The following LRP4 variants were observed in gnomAD, a reference collection of about 807,000 sequenced individuals.
The protein encoded by LRP4 is low-density lipoprotein receptor-related protein 4.
In LRP4, 95 loss-of-function variants were observed where a neutral mutation model predicts 220.3. That is an observed-to-expected ratio of 0.43 (90% CI 0.37 to 0.51). LRP4 has a LOEUF of 0.51. LRP4 is among the 20% of genes least tolerant of loss of function. The pLI is 0.00. For synonymous variants in LRP4, 903 were observed against 954.6 expected, an observed-to-expected ratio of 0.95 and a Z score of 1.00; for missense variants, 1,925 against 2,567.0, an observed-to-expected ratio of 0.75 and a Z score of 5.40.
rs1309226363 is a variant in LRP4 at position 46,876,736 on chromosome 11, A to G, written c.3364+8T>C. On this transcript the variant is annotated splice_region_variant and intron_variant, in intron 24 of 37. Transcript: ENST00000378623. ...ACAGGTGGTCCCTGGGCTAGGAGGA[A>G]GGCCCACCTGTGGTGATGATGTCCT... The G allele has an allele frequency of 6.2e-7, 1 of 1,614,116 alleles. No homozygotes were observed. Among genetic ancestry groups the G allele is most frequent in the Non-Finnish European group, 8.5e-7 (1 of 1,179,962 alleles).
In LRP4 at chr11:46,875,706, G is replaced by A. The variant is rs763733172; in HGVS notation, c.3700-25C>T. 6 of 1,612,168 alleles carry A rather than the reference G, an allele frequency of 3.7e-6. No individual in the cohort carries two copies. The highest frequency in any genetic ancestry group is 5.1e-6 in the Non-Finnish European group (6 of 1,178,358). ...GCTGCAGAGGAAGGAGAGGGTGGGG[G>A]GTGGTGATCAGCAGATTGGGAACTC... On this transcript the variant is annotated intron_variant, in intron 26 of 37. Coordinates refer to ENST00000378623, the MANE Select transcript of LRP4 (RefSeq NM_002334.4). This position sits in a 1 kb window ranked among gnomAD's most constrained non-coding sequence, Gnocchi z 4.5.
At chr11:46,869,777 G>GA (rs374970927) in intron 31 of LRP4, among the ~76,000 whole-genome samples, 19 of 150,350 alleles carry the variant, frequency 1.3e-4, no homozygotes, top group East Asian at 7.7e-4. Context: ...TTTAGAATAT[G>GA]AAAAAAAAAG....
chr11:46,911,361 G>T (rs1565807171), intron 1 of LRP4, among the ~76,000 whole-genome samples: 2 of 152,088 alleles, frequency 1.3e-5, no homozygotes, highest in Non-Finnish European at 2.9e-5. Context: ...TGTGCTCTGT[G>T]AAGGGCTGCT....
chr11:46,863,177 C>T (rs747603352), intron 36 of LRP4, among the ~76,000 whole-genome samples: 2 of 152,088 alleles, frequency 1.3e-5, no homozygotes, highest in East Asian at 1.9e-4. Context: ...GATCCTTCCC[C>T]GGTCAAACCT....
intron 1 of LRP4, among the ~76,000 whole-genome samples, chr11:46,910,648 T>C (rs1276727767): frequency 1.3e-5 from 2 of 151,606 alleles, no homozygotes; most frequent in Non-Finnish European, 2.9e-5. Flanking sequence ...CTGAAAGAGC[T>C]TGAGGCACAT....
intron 12 of LRP4, among the ~76,000 whole-genome samples, chr11:46,893,668 C>T (rs952937238): frequency 2.6e-5 from 4 of 152,292 alleles, no homozygotes; most frequent in Non-Finnish European, 5.9e-5. Context: ...GGTGCAGTCT[C>T]GGGTCACTGC....
At chr11:46,897,452 T>G (rs1183086116) in intron 7 of LRP4, among the ~76,000 whole-genome samples, 3 of 149,932 alleles carry the variant, frequency 2.0e-5, no homozygotes, top group Admixed American at 1.3e-4. Flanking sequence ...AGGACAATAG[T>G]GGAGGGAAGG....
intron 18 of LRP4, among the ~76,000 whole-genome samples, chr11:46,885,279 G>A (rs1007152588): frequency 2.0e-5 from 3 of 152,130 alleles, no homozygotes; most frequent in African/African-American, 4.8e-5. Flanking sequence ...TTATAGGTGT[G>A]AGCCACCATG....
intron 37 of LRP4, among the ~76,000 whole-genome samples, chr11:46,861,895 C>G (rs1330971094): frequency 6.6e-6 from 1 of 151,624 alleles, no homozygotes; most frequent in East Asian, 1.9e-4. Flanking sequence ...ATGGAGAAAC[C>G]CTGTCTCTAC....
rs1940935394 is a variant in LRP4 at position 46,873,780 on chromosome 11, G to A, written c.4230-187C>T. The A allele has an allele frequency of 6.8e-6, 4 of 584,862 alleles. No individual in the cohort carries two copies. The East Asian group carries it at 1.1e-4, about 16-fold the overall frequency. The allele number at this position is 584,862 out of a possible 1,614,324, so 36.2% of individuals were successfully genotyped here. On this transcript the variant is annotated intron_variant, in intron 28 of 37. Transcript: ENST00000378623. This position sits in a 1 kb window ranked among gnomAD's most constrained non-coding sequence, Gnocchi z 4.2. ...TTCAATAAAATAATTGCAGAATGAA[G>A]GAACCAGTTCTTAGGAGGACACAGT... is the stretch of plus-strand genomic sequence containing the variant.
Position 46,892,990 on chromosome 11 carries a change from G to A in LRP4, c.1680C>T (p.Ala560=), listed in dbSNP as rs1376102092. ...CAACTTACCCCTCCATGGGATGCAA[G>A]GCAATGGCCCGGGGCTTCTCCAGGT... ...WQNLEKPRAI[A]LHPMEGTIYW... is the part of the protein sequence containing the mutation. The change falls in exon 13 of 38, where the codon GCC becomes GCT. Residue 560 remains alanine (A), a synonymous_variant. Transcript: ENST00000378623. 5 of 1,613,616 alleles carry A rather than the reference G, an allele frequency of 3.1e-6. No homozygotes were observed. In the African/African-American group the frequency reaches 5.3e-5, roughly 17 times the overall value.
At chr11:46,866,588 G>C (rs753221375) in intron 34 of LRP4, among the ~76,000 whole-genome samples, 8 of 152,070 alleles carry the variant, frequency 5.3e-5, no homozygotes, top group Admixed American at 3.3e-4. Context: ...GCCTGGCCCA[G>C]ATTATTTTTT....
At chr11:46,914,353 CAT>C (rs1175278057) in intron 1 of LRP4, among the ~76,000 whole-genome samples, 2 of 152,156 alleles carry the variant, frequency 1.3e-5, no homozygotes, top group Non-Finnish European at 2.9e-5. Context: ...TAATGCTTGA[CAT>C]ATGTGTGTTT....
At position 46,861,993 on chromosome 11, in the gene LRP4, G is replaced by A. The variant is rs187786990; in HGVS notation, c.5385+613C>T. 4.8e-3 allele frequency among the ~76,000 whole-genome samples: 718 copies of A among 150,658 alleles called. 8 individuals are homozygous for A. Among genetic ancestry groups the A allele is most frequent in the South Asian group, 0.039 (184 of 4,730 alleles). ...TGAGGCAGGAGAATCACTTGAACCC[G>A]GGAGGTGGAGGTTGCAGTGAGCTGA... On this transcript the variant is annotated intron_variant, in intron 37 of 37. Coordinates refer to ENST00000378623, the MANE Select transcript of LRP4 (RefSeq NM_002334.4).
At chr11:46,883,709 C>T (rs1198399918) in intron 19 of LRP4, among the ~76,000 whole-genome samples, 162 bp downstream of exon 19, 1 of 152,226 alleles carries the variant, frequency 6.6e-6, no homozygotes, top group Non-Finnish European at 1.5e-5. Context: ...GTCTCCCCGA[C>T]AGAGCTGGTC....
intron 18 of LRP4, among the ~76,000 whole-genome samples, chr11:46,885,644 C>T (rs556279159): frequency 6.6e-5 from 10 of 152,064 alleles, no homozygotes; most frequent in African/African-American, 1.4e-4. Context: ...TGGTGGTGCA[C>T]GCCTGTAGTC....
intron 37 of LRP4, 60 bp from the exon 38 acceptor site, chr11:46,859,375 G>A: frequency 7.7e-7 from 1 of 1,297,122 alleles, no homozygotes; most frequent in Non-Finnish European, 1.1e-6. Flanking sequence ...GGATCCCATG[G>A]TAAACTGAAA....
intron 22 of LRP4, 75 bp downstream of exon 22, chr11:46,878,832 C>T (rs1184814799): frequency 4.4e-6 from 7 of 1,599,104 alleles, no homozygotes; most frequent in Non-Finnish European, 6.0e-6. Flanking sequence ...CATTGGAGCC[C>T]ATCTGCAAGG....
chr11:46,894,770 C>A lies in LRP4; in HGVS notation c.1359G>T (p.Val453=). Residue 453 remains valine (V), a synonymous_variant, in exon 12 of 38, where the codon GTG becomes GTT. Transcript: ENST00000378623. ...GTGTGTACTCAGAGCGGTGTGGCAG[C>A]ACCTGCCGGATGTCGATGCGATTGG... ...LFANRIDIRQ[V]LPHRSEYTLL... is the part of the protein sequence containing the mutation. The A allele has an allele frequency of 6.2e-7, 1 of 1,614,230 alleles. No individual in the cohort carries two copies. Among genetic ancestry groups the A allele is most frequent in the Non-Finnish European group, 8.5e-7 (1 of 1,180,042 alleles).
Sources: allele counts gnomAD v4.1 joint callset (sites outside exome capture counted in the v4.1 genomes callset), GRCh38; gene constraint gnomAD v4.1.1; non-coding constraint Gnocchi (gnomAD v3.1); transcripts MANE v1.5; gene names NCBI Gene and HGNC (gene_info 2026-07-23, HGNC 2026-07-21).